Variants in IGFBP2 observed in about 807,000 individuals in gnomAD.
IGFBP2 encodes insulin like growth factor binding protein 2, also known as insulin-like growth factor-binding protein 2.
IGFBP2 carries 12 observed loss-of-function variants against 26.2 expected under a neutral mutation model. That is an observed-to-expected ratio of 0.46 (90% CI 0.29 to 0.74). The LOEUF (loss-of-function observed/expected upper bound fraction) is 0.74, where lower values mean the gene tolerates loss of function less well. IGFBP2 is among the 30% of genes least tolerant of loss of function. The pLI, the probability that IGFBP2 is intolerant of heterozygous loss-of-function variation, is 0.09. For synonymous variants in IGFBP2, 189 were observed against 200.6 expected, an observed-to-expected ratio of 0.94 and a Z score of 0.49; for missense variants, 328 against 441.2, an observed-to-expected ratio of 0.74 and a Z score of 2.30.
chr2:216,661,128 G>A (rs1688637768), intron 2 of IGFBP2: 2 of 331,638 alleles, frequency 6.0e-6, no homozygotes, highest in Admixed American at 4.8e-5. Flanking sequence ...CCTGAGATGG[G>A]GTCTCACTCT....
chr2:216,643,894 A>G (rs956131258), intron 1 of IGFBP2, among the ~76,000 whole-genome samples: 4 of 151,776 alleles, frequency 2.6e-5, no homozygotes, highest in African/African-American at 9.7e-5. Flanking sequence ...ACCTGCTCCC[A>G]CCCTCCACAC....
chr2:216,645,996 A>T (rs1697702983), intron 1 of IGFBP2, among the ~76,000 whole-genome samples: 1 of 152,228 alleles, frequency 6.6e-6, no homozygotes, highest in Non-Finnish European at 1.5e-5. Context: ...AAGGTAATTG[A>T]TGTGATATAC....
intron 1 of IGFBP2, among the ~76,000 whole-genome samples, chr2:216,644,289 AG>A (rs890072858): frequency 5.9e-5 from 9 of 152,070 alleles, no homozygotes; most frequent in African/African-American, 2.2e-4. Context: ...ATTGGGGAGA[AG>A]GGGGCAGGGG....
intron 1 of IGFBP2, among the ~76,000 whole-genome samples, chr2:216,638,673 C>T (rs1396431597): frequency 1.3e-5 from 2 of 152,000 alleles, no homozygotes; most frequent in African/African-American, 2.4e-5. Context: ...CTGTTCACAC[C>T]CATAGAAAAT....
intron 1 of IGFBP2, among the ~76,000 whole-genome samples, chr2:216,647,345 T>G (rs1697730415): frequency 6.6e-6 from 1 of 152,106 alleles, no homozygotes; most frequent in Admixed American, 6.6e-5. Context: ...TAAGACCAAG[T>G]TTATGTCTTC....
At chr2:216,642,532 T>C (rs1454201384) in intron 1 of IGFBP2, among the ~76,000 whole-genome samples, 2 of 151,882 alleles carry the variant, frequency 1.3e-5, no homozygotes, top group African/African-American at 4.8e-5. Flanking sequence ...GGTCTCGATC[T>C]CCTGACCTTG....
At chr2:216,663,844 G>A (rs1688704058) in intron 3 of IGFBP2, 96 bp from the exon 4 acceptor site, 10 of 1,349,668 alleles carry the variant, frequency 7.4e-6, no homozygotes, top group Non-Finnish European at 1.0e-5. Flanking sequence ...CGCATGGGTA[G>A]CTGCAAGGGG....
chr2:216,643,086 G>A (rs929158545), intron 1 of IGFBP2, among the ~76,000 whole-genome samples: 2 of 152,158 alleles, frequency 1.3e-5, no homozygotes, highest in Non-Finnish European at 2.9e-5. Context: ...GAGGGCACCC[G>A]ATGCCACCCA....
intron 1 of IGFBP2, chr2:216,659,606 C>T (rs1262268303): frequency 1.2e-6 from 1 of 835,594 alleles, no homozygotes. Context: ...GGACGTGCCT[C>T]AGCCAGAGTG....
intron 1 of IGFBP2, among the ~76,000 whole-genome samples, chr2:216,648,282 G>T (rs1188436231): frequency 6.6e-6 from 1 of 152,154 alleles, no homozygotes; most frequent in Non-Finnish European, 1.5e-5. Flanking sequence ...TTGGCTTTCA[G>T]TTCTCAGGCC....
At chr2:216,641,261 C>G (rs1032537712) in intron 1 of IGFBP2, among the ~76,000 whole-genome samples, 1 of 152,112 alleles carries the variant, frequency 6.6e-6, no homozygotes, top group Non-Finnish European at 1.5e-5. Flanking sequence ...AAATGAAGGC[C>G]AAACTGGAAA....
Position 216,661,044 on chromosome 2 carries a change from A to C in IGFBP2, c.672+258A>C, listed in dbSNP as rs1480999316. 9 of 513,440 alleles carry C rather than the reference A, an allele frequency of 1.8e-5. No individual in the cohort carries two copies. The East Asian group carries it at 3.1e-4, about 18-fold the overall frequency. 31.8% of individuals were successfully genotyped at this position (513,440 alleles called of 1,614,324 possible). On this transcript the variant is annotated intron_variant, in intron 2 of 3. Transcript: ENST00000233809. The stretch of plus-strand genomic sequence containing the variant: ...TCACATTTCTGTATGGTTTTGGAAC[A>C]TAGACACAGAAAATGAATCCCAGAG...
chr2:216,637,281 AAAG>A (rs1356880962), intron 1 of IGFBP2, among the ~76,000 whole-genome samples: 1 of 152,150 alleles, frequency 6.6e-6, no homozygotes, highest in Non-Finnish European at 1.5e-5. Context: ...ACTGTTCATG[AAAG>A]AAGGAGATGG....
chr2:216,652,085 T>C (rs1361277066), intron 1 of IGFBP2, among the ~76,000 whole-genome samples: 1 of 150,834 alleles, frequency 6.6e-6, no homozygotes, highest in East Asian at 2.0e-4. Flanking sequence ...TTCTAAAGCT[T>C]GGTTTTGGCC....
chr2:216,648,368 G>A (rs1399537009), intron 1 of IGFBP2, among the ~76,000 whole-genome samples: 1 of 152,162 alleles, frequency 6.6e-6, no homozygotes, highest in Non-Finnish European at 1.5e-5. Context: ...TCTTCTTTCT[G>A]ACTCATTTCC....
chr2:216,657,169 C>A (rs1333961452), intron 1 of IGFBP2, among the ~76,000 whole-genome samples: 1 of 152,114 alleles, frequency 6.6e-6, no homozygotes, highest in Admixed American at 6.5e-5. Flanking sequence ...TGCTCTCCTC[C>A]TGTGTTTTTG....
At chr2:216,644,186 G>C (rs1416971641) in intron 1 of IGFBP2, among the ~76,000 whole-genome samples, 1 of 145,770 alleles carries the variant, frequency 6.9e-6, no homozygotes, top group Non-Finnish European at 1.5e-5. Flanking sequence ...TTTTCTGTGG[G>C]CGGGGGGAGG....
chr2:216,642,668 A>G (rs1311839396), intron 1 of IGFBP2, among the ~76,000 whole-genome samples: 2 of 152,200 alleles, frequency 1.3e-5, no homozygotes, highest in East Asian at 3.8e-4. Context: ...GCTGATGTCT[A>G]GGACTGACTG....
intron 1 of IGFBP2, among the ~76,000 whole-genome samples, chr2:216,651,553 G>A (rs1412489428): frequency 6.6e-6 from 1 of 152,198 alleles, no homozygotes; most frequent in Non-Finnish European, 1.5e-5. Flanking sequence ...TTAAATGGCA[G>A]AGAGCTTTGA....
Sources: allele counts gnomAD v4.1 joint callset (sites outside exome capture counted in the v4.1 genomes callset), GRCh38; gene constraint gnomAD v4.1.1; transcripts MANE v1.5; gene names NCBI Gene and HGNC (gene_info 2026-07-23, HGNC 2026-07-21).